The following TMTC2 variants were observed in gnomAD, a reference collection of about 807,000 sequenced individuals.
TMTC2 encodes protein O-mannosyl-transferase TMTC2.
TMTC2 carries 43 observed loss-of-function variants against 82.4 expected under a neutral mutation model. The observed-to-expected ratio is 0.52, with a 90% CI of 0.41 to 0.67. TMTC2 has a LOEUF of 0.67. TMTC2 is among the 30% of genes least tolerant of loss of function. The pLI, the probability that TMTC2 is intolerant of heterozygous loss-of-function variation, is 0.00. For synonymous variants in TMTC2, 408 were observed against 381.9 expected (o/e 1.07, Z -0.80); for missense variants, 919 against 1,012.4 (o/e 0.91, Z 1.25).
intron 11 of TMTC2, among the ~76,000 whole-genome samples, chr12:83,111,470 G>T (rs1228527885): frequency 6.6e-6 from 1 of 152,154 alleles, no homozygotes; most frequent in African/African-American, 2.4e-5. Flanking sequence ...CAATTTTCAT[G>T]TGTTATGATG....
intron 8 of TMTC2, among the ~76,000 whole-genome samples, chr12:83,008,080 A>G (rs1433936636): frequency 1.3e-5 from 2 of 152,166 alleles, no homozygotes; most frequent in African/African-American, 2.4e-5. Context: ...AAGTTTGAAT[A>G]TATTAGGTTG....
Position 82,915,851 on chromosome 12 carries a change from A to T in TMTC2, c.1484-14580A>T, listed in dbSNP as rs150312071. ...CAACTTGTACTCTTTGGGATTTACCATAAATCAAAAGGAACTGGTATTTTA... is the reference window on the plus strand; with the variant it reads ...CAACTTGTACTCTTTGGGATTTACCTTAAATCAAAAGGAACTGGTATTTTA... On this transcript the variant is annotated intron_variant, in intron 3 of 11. Transcript: ENST00000321196. 8.0e-4 allele frequency among the ~76,000 whole-genome samples: 122 copies of T among 152,344 alleles called. 1 individual carries two copies. The highest frequency in any genetic ancestry group is 1.5e-3 in the Non-Finnish European group (101 of 68,030).
chr12:83,095,906 TGA>T lies in TMTC2; in HGVS notation c.2331+34077_2331+34078del, dbSNP rs1403122937. On this transcript the variant is annotated intron_variant, in intron 11 of 11. Transcript: ENST00000321196. ...TTAGAAATGGAAGTTTAAGCTCAGA[TGA>T]GGAAGACTGCTTCTAGATCTGAAGT... Among the ~76,000 whole-genome samples, 25 of 152,258 alleles carry T rather than the reference TGA, an allele frequency of 1.6e-4. 1 individual carries two copies. Among genetic ancestry groups the T allele is most frequent in the Non-Finnish European group, 8.8e-5 (6 of 68,042 alleles).
chr12:82,788,489 G>T lies in TMTC2; in HGVS notation c.84-68521G>T, dbSNP rs1182724884. Reference sequence around the variant, plus strand: ...ACAGCAATAAGAGCACAGTGGGGTTGCTTGAGTGGTGGGTTAACAATGCTG... The same window carrying T: ...ACAGCAATAAGAGCACAGTGGGGTTTCTTGAGTGGTGGGTTAACAATGCTG... On this transcript the variant is annotated intron_variant, in intron 1 of 11. Coordinates refer to ENST00000321196, the MANE Select transcript of TMTC2 (RefSeq NM_152588.3). 2.6e-5 allele frequency among the ~76,000 whole-genome samples: 4 copies of T among 152,212 alleles called. No individual in the cohort carries two copies. The East Asian group carries it at 5.8e-4, about 22-fold the overall frequency.
At chr12:82,967,111 A>G in intron 7 of TMTC2, 114 bp downstream of exon 7, 1 of 757,532 alleles carries the variant, frequency 1.3e-6, no homozygotes, top group Admixed American at 3.1e-5. Flanking sequence ...TCACAAAAGA[A>G]ACGTTCACAA....
intron 11 of TMTC2, among the ~76,000 whole-genome samples, chr12:83,114,392 A>G (rs1308425631): frequency 1.3e-5 from 2 of 152,160 alleles, no homozygotes; most frequent in African/African-American, 4.8e-5. Flanking sequence ...CTGATCTCAG[A>G]CTTCCAGACT....
chr12:82,857,082 G>T lies in TMTC2; in HGVS notation c.156G>T (p.Trp52Cys). Reference protein sequence around the residue: ...PWTHIFYNDFWGTLLTHSGSH... With the variant: ...PWTHIFYNDFCGTLLTHSGSH... ...CGCACATTTTCTACAATGATTTTTG[G>T]GGGACTCTTCTAACCCACAGTGGCA... The change falls in exon 2 of 12, where the codon TGG (tryptophan) becomes TGT (cysteine). Residue 52 changes from tryptophan to cysteine, a missense_variant. Coordinates refer to ENST00000321196, the MANE Select transcript of TMTC2 (RefSeq NM_152588.3). The T allele has an allele frequency of 6.2e-7, 1 of 1,613,540 alleles. No homozygotes were observed.
At chr12:82,864,738 T>C (rs1421149328) in intron 2 of TMTC2, among the ~76,000 whole-genome samples, 1 of 151,604 alleles carries the variant, frequency 6.6e-6, no homozygotes, top group Middle Eastern at 3.2e-3. Flanking sequence ...CTTGACCTTG[T>C]GATCCGCCCG....
chr12:82,753,049 C>T (rs753911551), intron 1 of TMTC2, among the ~76,000 whole-genome samples: 3 of 152,040 alleles, frequency 2.0e-5, no homozygotes, highest in Non-Finnish European at 2.9e-5. Flanking sequence ...ATGAGCGGCT[C>T]TCTTAAGCCA....
Position 82,942,539 on chromosome 12 carries a change from A to G in TMTC2, c.1598+11994A>G, listed in dbSNP as rs1271111624. On this transcript the variant is annotated intron_variant, in intron 4 of 11. Transcript: ENST00000321196. ...GCCTTTTGAAAAAAATTTTGAAAGT[A>G]AAAAGTAATTATTTGAAACTAGGGC... is the stretch of plus-strand genomic sequence containing the variant. Among the ~76,000 whole-genome samples, 4 of 152,350 alleles carry G rather than the reference A, an allele frequency of 2.6e-5. No individual in the cohort carries two copies. The East Asian group carries it at 7.7e-4, about 29-fold the overall frequency.
intron 9 of TMTC2, among the ~76,000 whole-genome samples, chr12:83,042,398 G>A (rs1453461275): frequency 6.6e-6 from 1 of 152,182 alleles, no homozygotes; most frequent in African/African-American, 2.4e-5. Context: ...TAATGAGGTT[G>A]TATTCCTCGT....
chr12:82,832,764 T>C (rs906509996), intron 1 of TMTC2, among the ~76,000 whole-genome samples: 5 of 152,334 alleles, frequency 3.3e-5, no homozygotes, highest in Non-Finnish European at 2.9e-5. Context: ...CTCTGAATTA[T>C]ACCCTTAACT....
intron 11 of TMTC2, among the ~76,000 whole-genome samples, chr12:83,079,698 T>C (rs1883400151): frequency 6.6e-6 from 1 of 152,142 alleles, no homozygotes; most frequent in African/African-American, 2.4e-5. Flanking sequence ...ATAGAAACTA[T>C]TTGGAAAGTG....
chr12:82,998,980 CTAT>C (rs1257716410), intron 8 of TMTC2, among the ~76,000 whole-genome samples: 2 of 152,106 alleles, frequency 1.3e-5, no homozygotes, highest in Admixed American at 6.6e-5. Context: ...TCAGTTTCCC[CTAT>C]TATTAATATA....
At chr12:82,996,218 AATTT>A (rs1294792476) in intron 8 of TMTC2, among the ~76,000 whole-genome samples, 1 of 152,182 alleles carries the variant, frequency 6.6e-6, no homozygotes, top group African/African-American at 2.4e-5. Flanking sequence ...CTGAGTTTTT[AATTT>A]GAATGTGATG....
At chr12:82,952,691 G>A (rs540167491) in intron 4 of TMTC2, among the ~76,000 whole-genome samples, 4 of 152,082 alleles carry the variant, frequency 2.6e-5, no homozygotes, top group South Asian at 4.2e-4. Context: ...AACTACAAGC[G>A]CATGCCACCA....
intron 1 of TMTC2, among the ~76,000 whole-genome samples, chr12:82,707,000 A>C (rs1873392697): frequency 6.6e-6 from 1 of 152,132 alleles, no homozygotes; most frequent in Admixed American, 6.5e-5. Context: ...TTGCACCTTT[A>C]TTTTTGCTGG....
intron 1 of TMTC2, among the ~76,000 whole-genome samples, chr12:82,835,007 G>A (rs1030145666): frequency 2.0e-5 from 3 of 151,752 alleles, no homozygotes; most frequent in Non-Finnish European, 4.4e-5. Context: ...CCTCCTGAGT[G>A]TGCACCACCA....
chr12:82,756,019 A>G (rs1043747747), intron 1 of TMTC2, among the ~76,000 whole-genome samples: 1 of 152,172 alleles, frequency 6.6e-6, no homozygotes, highest in Non-Finnish European at 1.5e-5. Context: ...CTCATAAAAT[A>G]AGTTGAAGGA....
Sources: gnomAD v4.1 joint callset for allele counts (sites outside exome capture counted in the v4.1 genomes callset) on GRCh38, gnomAD v4.1.1 for gene constraint, MANE v1.5 for transcripts, NCBI Gene and HGNC (gene_info 2026-07-23, HGNC 2026-07-21) for gene names.